The following TMED3 variants were observed in gnomAD, a reference collection of about 807,000 sequenced individuals.
TMED3 encodes transmembrane p24 trafficking protein 3.
A neutral mutation model predicts 15.0 loss-of-function variants in TMED3; 9 were observed. That is an observed-to-expected ratio of 0.60 (90% CI 0.36 to 1.04). TMED3 has a LOEUF of 1.04. Ranked by LOEUF, TMED3 falls within the 50% of genes least tolerant of loss-of-function variation. The probability of loss-of-function intolerance (pLI) is 0.01; values close to 1 mark genes in which losing one functional copy is unlikely to be tolerated. For synonymous variants in TMED3, 117 were observed against 121.4 expected, an observed-to-expected ratio of 0.96 and a Z score of 0.24; for missense variants, 267 against 278.9, an observed-to-expected ratio of 0.96 and a Z score of 0.30.
intron 2 of TMED3, among the ~76,000 whole-genome samples, chr15:79,317,024 CG>C (rs35214461): frequency 6.6e-6 from 1 of 152,000 alleles, no homozygotes; most frequent in East Asian, 1.9e-4. Flanking sequence ...GGATGATTCT[CG>C]GGGATGTATT....
chr15:79,353,025 T>C (rs1194932349), intron 2 of TMED3, among the ~76,000 whole-genome samples: 1 of 102,870 alleles, frequency 9.7e-6, no homozygotes, highest in African/African-American at 4.2e-5. Context: ...ATAAAATATA[T>C]ATATTTTATA....
chr15:79,353,249 TATATA>T (rs2058902626), intron 2 of TMED3, among the ~76,000 whole-genome samples: 2 of 55,736 alleles, frequency 3.6e-5, no homozygotes, highest in Non-Finnish European at 6.1e-5. Flanking sequence ...ATATATACTA[TATATA>T]ATATATATTA....
At chr15:79,312,396 AATG>A (rs1241072579) in intron 1 of TMED3, among the ~76,000 whole-genome samples, 2 of 152,176 alleles carry the variant, frequency 1.3e-5, no homozygotes, top group East Asian at 1.9e-4. Flanking sequence ...TGACAAAAAG[AATG>A]ATAATTCTGT....
chr15:79,389,621 T>C (rs530457863), intron 2 of TMED3, among the ~76,000 whole-genome samples: 1 of 152,302 alleles, frequency 6.6e-6, no homozygotes, highest in South Asian at 2.1e-4. Context: ...TCTCTAATTC[T>C]GTGAAGAATG....
Position 79,322,592 on chromosome 15 carries a change from C to T in TMED3, c.*378C>T, listed in dbSNP as rs547755411. 1.7e-5 allele frequency: 18 copies of T among 1,031,308 alleles called. No homozygotes were observed. Among genetic ancestry groups the T allele is most frequent in the Non-Finnish European group, 4.6e-6 (4 of 860,400 alleles). The allele number at this position is 1,031,308 out of a possible 1,614,324, so 63.9% of individuals were successfully genotyped here. Reference sequence around the variant, plus strand: ...GTTTCATGATGCATGGGTCATTTGTCTTGGGTGTCCTATCCCATATGGAGA... The same window carrying T: ...GTTTCATGATGCATGGGTCATTTGTTTTGGGTGTCCTATCCCATATGGAGA... On this transcript the variant is annotated 3_prime_UTR_variant, in exon 3 of 3. Coordinates refer to ENST00000299705, the MANE Select transcript of TMED3 (RefSeq NM_007364.4).
At chr15:79,371,946 G>T (rs1007156971) in intron 2 of TMED3, among the ~76,000 whole-genome samples, 2 of 152,204 alleles carry the variant, frequency 1.3e-5, no homozygotes, top group Non-Finnish European at 2.9e-5. Context: ...TCTTGTGAAT[G>T]TGGCGTCAAT....
At chr15:79,379,612 G>A (rs1893486605) in intron 2 of TMED3, among the ~76,000 whole-genome samples, 1 of 152,234 alleles carries the variant, frequency 6.6e-6, no homozygotes, top group African/African-American at 2.4e-5. Flanking sequence ...AAGAAGCTAG[G>A]TATATGAGGC....
chr15:79,382,840 G>A (rs2141250279), intron 2 of TMED3: 1 of 866,854 alleles, frequency 1.2e-6, no homozygotes, highest in Non-Finnish European at 1.8e-6. Context: ...TATAGGTGCA[G>A]GGAAGCTTCT....
At chr15:79,321,095 C>T (rs1450597885) in intron 2 of TMED3, among the ~76,000 whole-genome samples, 1 of 152,212 alleles carries the variant, frequency 6.6e-6, no homozygotes, top group East Asian at 1.9e-4. Context: ...TCAGAACTGT[C>T]TTGACTTCTT....
chr15:79,312,915 G>A (rs6495389), intron 1 of TMED3, among the ~76,000 whole-genome samples: 150,270 of 152,258 alleles, frequency 0.99, 74,188 homozygotes, highest in East Asian at 1. Flanking sequence ...CAGCATGCAT[G>A]CTCTAGGGTG....
intron 2 of TMED3, among the ~76,000 whole-genome samples, chr15:79,386,310 C>G (rs1893625819): frequency 6.6e-6 from 1 of 152,146 alleles, no homozygotes; most frequent in South Asian, 2.1e-4. Flanking sequence ...ATAAACAAAA[C>G]AAAATAACTT....
At chr15:79,343,391 A>G (rs1286231150) in intron 2 of TMED3, among the ~76,000 whole-genome samples, 1 of 152,180 alleles carries the variant, frequency 6.6e-6, no homozygotes, top group Non-Finnish European at 1.5e-5. Flanking sequence ...GAATCATGCA[A>G]CATGTGGCCT....
At chr15:79,320,760 T>C (rs1239008277) in intron 2 of TMED3, among the ~76,000 whole-genome samples, 3 of 152,190 alleles carry the variant, frequency 2.0e-5, no homozygotes, top group South Asian at 2.1e-4. Context: ...ACTACAAACA[T>C]AGTGTCTTAA....
intron 2 of TMED3, among the ~76,000 whole-genome samples, chr15:79,320,869 G>C (rs1443777533): frequency 6.6e-6 from 1 of 152,200 alleles, no homozygotes; most frequent in Non-Finnish European, 1.5e-5. Flanking sequence ...CGAGGTGGTG[G>C]CAGGTTGGGC....
At chr15:79,410,623 C>T (rs930193664) in intron 2 of TMED3, among the ~76,000 whole-genome samples, 2 of 151,838 alleles carry the variant, frequency 1.3e-5, no homozygotes, top group African/African-American at 4.8e-5. Context: ...GAAGATTTCC[C>T]ATAGGTGTTT....
intron 2 of TMED3, among the ~76,000 whole-genome samples, chr15:79,351,595 G>A (rs1220441663): frequency 3.9e-5 from 6 of 152,132 alleles, no homozygotes; most frequent in Admixed American, 6.6e-5. Flanking sequence ...CGTGGATGTG[G>A]TCAAAAGGGA....
At chr15:79,333,975 T>G (rs2058818733) in intron 2 of TMED3, among the ~76,000 whole-genome samples, 1 of 152,216 alleles carries the variant, frequency 6.6e-6, no homozygotes, top group Admixed American at 6.5e-5. Flanking sequence ...ATTTGTGGTT[T>G]GATAAGATTA....
chr15:79,365,136 G>T (rs936745360), intron 2 of TMED3, among the ~76,000 whole-genome samples: 1 of 152,250 alleles, frequency 6.6e-6, no homozygotes, highest in Non-Finnish European at 1.5e-5. Context: ...AATGTCCTGA[G>T]AGGGGGATCA....
At chr15:79,337,699 G>T (rs1339087425) in intron 2 of TMED3, among the ~76,000 whole-genome samples, 1 of 152,202 alleles carries the variant, frequency 6.6e-6, no homozygotes, top group Non-Finnish European at 1.5e-5. Context: ...GAAGATTCCT[G>T]GAGTATGGAA....
Sources: allele counts gnomAD v4.1 joint callset (sites outside exome capture counted in the v4.1 genomes callset), GRCh38; gene constraint gnomAD v4.1.1; transcripts MANE v1.5; gene names NCBI Gene and HGNC (gene_info 2026-07-23, HGNC 2026-07-21).